Variants in IL6R observed in about 807,000 individuals in gnomAD.
IL6R encodes interleukin-6 receptor subunit alpha.
In IL6R, 38 loss-of-function variants were observed where a neutral mutation model predicts 48.3. That is an observed-to-expected ratio of 0.79 (90% confidence interval 0.61 to 1.03). IL6R has a LOEUF of 1.03. Among genes scored for constraint, IL6R ranks in the 50% least tolerant of loss-of-function variants. The probability of loss-of-function intolerance (pLI) is 0.00; values close to 1 mark genes in which losing one functional copy is unlikely to be tolerated. For synonymous variants in IL6R, 264 were observed against 256.2 expected (o/e 1.03, Z -0.29); for missense variants, 534 against 618.3 (o/e 0.86, Z 1.45).
Position 154,465,705 on chromosome 1 carries a change from GT to G in IL6R, c.*326del. ...GCTGGGCAGGTTGGTGGGGGCCTCGGTGTGGAGAAGCGGCTGGCAGCCCACC... is the reference window on the plus strand; with the variant it reads ...GCTGGGCAGGTTGGTGGGGGCCTCGGGTGGAGAAGCGGCTGGCAGCCCACC... On this transcript the variant is annotated 3_prime_UTR_variant, in exon 10 of 10. Transcript: ENST00000368485. The G allele has an allele frequency of 3.1e-6, 1 of 321,000 alleles. No homozygotes were observed. Among genetic ancestry groups the G allele is most frequent in the Admixed American group, 4.4e-5 (1 of 22,666 alleles). The allele number at this position is 321,000 out of a possible 1,614,324, so 19.9% of individuals were successfully genotyped here. A position where few individuals can be genotyped will look rare whatever the true frequency, so the allele number is the denominator to read the frequency against.
intron 9 of IL6R, among the ~76,000 whole-genome samples, chr1:154,462,792 C>T (rs1018061162): frequency 6.6e-6 from 1 of 152,030 alleles, no homozygotes; most frequent in Non-Finnish European, 1.5e-5. Context: ...TGTTATTTTG[C>T]TTTTATTTAA....
chr1:154,429,658 G>C (rs1243944954), intron 2 of IL6R, among the ~76,000 whole-genome samples: 1 of 152,092 alleles, frequency 6.6e-6, no homozygotes, highest in East Asian at 1.9e-4. Flanking sequence ...ATTGGCTTTG[G>C]GAGTTAGGAC....
intron 1 of IL6R, among the ~76,000 whole-genome samples, chr1:154,428,069 CCT>C (rs1423730765): frequency 6.6e-6 from 1 of 152,114 alleles, no homozygotes; most frequent in Non-Finnish European, 1.5e-5. Context: ...TGTTCCCTGG[CCT>C]CTGTTTCCTT....
intron 1 of IL6R, among the ~76,000 whole-genome samples, chr1:154,409,498 A>G (rs1196208118): frequency 6.6e-6 from 1 of 152,230 alleles, no homozygotes; most frequent in Non-Finnish European, 1.5e-5. Context: ...TTTGACAGCC[A>G]GTGTTCTAGA....
chr1:154,449,780 T>C (rs1489253212), intron 7 of IL6R, 131 bp from the exon 8 acceptor site: 1 of 702,260 alleles, frequency 1.4e-6, no homozygotes, highest in Non-Finnish European at 2.6e-6. Flanking sequence ...TCCACTGTTA[T>C]GAATGAAATG....
chr1:154,411,937 T>C (rs1164774757), intron 1 of IL6R, among the ~76,000 whole-genome samples: 1 of 148,942 alleles, frequency 6.7e-6, no homozygotes. Context: ...ATGTTATTGA[T>C]CCTAAGAGCC....
intron 3 of IL6R, among the ~76,000 whole-genome samples, chr1:154,433,054 A>C (rs1024162341): frequency 6.6e-6 from 1 of 152,232 alleles, no homozygotes; most frequent in Non-Finnish European, 1.5e-5. Context: ...AAGCGGGCCA[A>C]CAAGACTGAG....
intron 1 of IL6R, among the ~76,000 whole-genome samples, chr1:154,423,808 G>A (rs1688823290): frequency 6.6e-6 from 1 of 152,146 alleles, no homozygotes; most frequent in Non-Finnish European, 1.5e-5. Flanking sequence ...AGAGGAAGTG[G>A]CCATTATGTT....
chr1:154,414,908 G>T, intron 1 of IL6R: 1 of 920,696 alleles, frequency 1.1e-6, no homozygotes, highest in Non-Finnish European at 1.7e-6. Context: ...CATTTGAGCT[G>T]GGTCATGTGG....
chr1:154,438,168 C>T (rs1050326562), intron 6 of IL6R, among the ~76,000 whole-genome samples: 1 of 152,026 alleles, frequency 6.6e-6, no homozygotes, highest in African/African-American at 2.4e-5. Context: ...TCTAGTTCCT[C>T]TGTTGGTGCC....
At chr1:154,444,658 G>A (rs1477324342) in intron 6 of IL6R, among the ~76,000 whole-genome samples, 3 of 152,282 alleles carry the variant, frequency 2.0e-5, no homozygotes, top group South Asian at 2.1e-4. Context: ...AGCACTTTAC[G>A]AGGCTGATGG....
In IL6R at chr1:154,468,340, C is replaced by T. The variant is rs1448571514; in HGVS notation, c.*2960C>T. 6.6e-6 allele frequency: 1 copy of T among 152,268 alleles called. No homozygotes were observed. The highest frequency in any genetic ancestry group is 2.4e-5 in the African/African-American group (1 of 41,466). 9.4% of individuals were successfully genotyped at this position (152,268 alleles called of 1,614,324 possible). A position where few individuals can be genotyped will look rare whatever the true frequency, so the allele number is the denominator to read the frequency against. On this transcript the variant is annotated 3_prime_UTR_variant, in exon 10 of 10. Coordinates refer to ENST00000368485, the MANE Select transcript of IL6R (RefSeq NM_000565.4). ...CTAACACCTGTAGCCATCTGCCACG[C>T]AGCCAGACGTGAAACGCTGAGACAG...
At chr1:154,412,325 C>T (rs1236231072) in intron 1 of IL6R, among the ~76,000 whole-genome samples, 1 of 151,890 alleles carries the variant, frequency 6.6e-6, no homozygotes, top group Non-Finnish European at 1.5e-5. Flanking sequence ...ACAATCTCAG[C>T]TCACTGCAAC....
chr1:154,437,982 G>A (rs1689732671), intron 6 of IL6R, among the ~76,000 whole-genome samples: 1 of 151,888 alleles, frequency 6.6e-6, no homozygotes, highest in African/African-American at 2.4e-5. Flanking sequence ...CCAAAATGCT[G>A]GGATTACAGG....
intron 1 of IL6R, among the ~76,000 whole-genome samples, chr1:154,408,010 G>A (rs6427641): frequency 0.5 from 75,730 of 151,962 alleles, 19,695 homozygotes; most frequent in South Asian, 0.64. Context: ...ACCCACACAC[G>A]TGCCTAGCCT....
chr1:154,433,117 G>A (rs1689398384), intron 3 of IL6R, among the ~76,000 whole-genome samples: 1 of 152,224 alleles, frequency 6.6e-6, no homozygotes, highest in Non-Finnish European at 1.5e-5. Context: ...CGGTGACCCT[G>A]CCTTCGTGGC....
At chr1:154,451,355 T>C (rs1400355088) in intron 8 of IL6R, among the ~76,000 whole-genome samples, 1 of 151,994 alleles carries the variant, frequency 6.6e-6, no homozygotes, top group Non-Finnish European at 1.5e-5. Context: ...CCATCTCTAC[T>C]AAAAATACAA....
At chr1:154,432,944 C>T (rs541028033) in intron 3 of IL6R, among the ~76,000 whole-genome samples, 1 of 152,344 alleles carries the variant, frequency 6.6e-6, no homozygotes, top group African/African-American at 2.4e-5. Context: ...TCTGCTTTCA[C>T]ACCCTTGCCC....
intron 8 of IL6R, among the ~76,000 whole-genome samples, chr1:154,452,415 C>G (rs1200509831): frequency 6.6e-6 from 1 of 152,208 alleles, no homozygotes; most frequent in African/African-American, 2.4e-5. Flanking sequence ...GGCCTTTGCA[C>G]TTGCTGTGTG....
Sources: gnomAD v4.1 joint callset for allele counts (sites outside exome capture counted in the v4.1 genomes callset) on GRCh38, gnomAD v4.1.1 for gene constraint, MANE v1.5 for transcripts, NCBI Gene and HGNC (gene_info 2026-07-23, HGNC 2026-07-21) for gene names.